Variants in PXK observed in about 807,000 individuals in gnomAD.
The protein encoded by PXK is PX domain containing serine/threonine kinase like.
In PXK, 35 loss-of-function variants were observed where a neutral mutation model predicts 84.7. That is an observed-to-expected ratio of 0.41 (90% confidence interval 0.32 to 0.55). The LOEUF is 0.55. Among genes scored for constraint, PXK ranks in the 20% least tolerant of loss-of-function variants. PXK has a pLI of 0.21. For synonymous variants in PXK, 253 were observed against 260.8 expected (o/e 0.97, Z 0.29); for missense variants, 634 against 699.7 (o/e 0.91, Z 1.06).
At position 58,364,120 on chromosome 3, in the gene PXK, A is replaced by G. The variant is rs1380694246; in HGVS notation, c.103-1754A>G. ...TCATGGTATATAATTCTTTTTATAA[A>G]TTGCTGAATTCAATTTACTAATATT... On this transcript the variant is annotated intron_variant, in intron 1 of 17. Transcript: ENST00000356151. The surrounding 1 kb of genome is among the most constrained non-coding windows in gnomAD (Gnocchi z 4.3). 6.6e-6 allele frequency among the ~76,000 whole-genome samples: 1 copy of G among 152,158 alleles called. No individual in the cohort carries two copies. Among genetic ancestry groups the G allele is most frequent in the Non-Finnish European group, 1.5e-5 (1 of 68,042 alleles).
At chr3:58,408,795 T>C in intron 13 of PXK, 129 bp from the exon 14 acceptor site, 2 of 685,062 alleles carry the variant, frequency 2.9e-6, no homozygotes, top group Admixed American at 5.1e-5. Flanking sequence ...GTCCTGGGAT[T>C]ACAGGCATGA....
intron 12 of PXK, among the ~76,000 whole-genome samples, chr3:58,403,280 C>G (rs915880752): frequency 6.6e-6 from 1 of 152,036 alleles, no homozygotes; most frequent in Middle Eastern, 3.2e-3. Context: ...GCTGGGATTA[C>G]AAGACATGAG....
At chr3:58,365,751 CTG>C in intron 1 of PXK, 121 bp from the exon 2 acceptor site, 1 of 703,438 alleles carries the variant, frequency 1.4e-6, no homozygotes, top group South Asian at 2.5e-5. Context: ...CTCTCTGTCT[CTG>C]GTAAATTTCC....
intron 1 of PXK, among the ~76,000 whole-genome samples, chr3:58,355,465 C>A (rs993622614): frequency 1.3e-5 from 2 of 152,168 alleles, no homozygotes; most frequent in South Asian, 4.1e-4. Flanking sequence ...CGACTTAACA[C>A]GTTTATTTCA....
rs1311677222 is a variant in PXK, at chr3:58,333,410, C to G, written c.102+320C>G. The G allele has an allele frequency of 3.4e-6, 1 of 297,296 alleles. No homozygotes were observed. The highest frequency in any genetic ancestry group is 2.2e-5 in the African/African-American group (1 of 46,190). The allele number at this position is 297,296 out of a possible 1,614,324, so 18.4% of individuals were successfully genotyped here. A position where few individuals can be genotyped will look rare whatever the true frequency, so the allele number is the denominator to read the frequency against. ...GGGGCTGCGGGATTCCCGGGCTCAC[C>G]TTGGACTAGGGGAGCAGGAACGAGA... On this transcript the variant is annotated intron_variant, in intron 1 of 17. Coordinates refer to ENST00000356151, the MANE Select transcript of PXK (RefSeq NM_017771.5). The surrounding 1 kb of genome is among the most constrained non-coding windows in gnomAD (Gnocchi z 5.4).
chr3:58,409,463 T>G lies in PXK; in HGVS notation c.1309-69T>G. 2.1e-6 allele frequency: 3 copies of G among 1,405,020 alleles called. No homozygotes were observed. The highest frequency in any genetic ancestry group is 3.0e-6 in the Non-Finnish European group (3 of 1,005,536). The allele number at this position is 1,405,020 out of a possible 1,614,324, so 87.0% of individuals were successfully genotyped here. Reference sequence around the variant, plus strand: ...CAATAAAATGTGGTTTGCCAAAACATGTTGGAGAAGATTTTCATTAGGAAG... The same window carrying G: ...CAATAAAATGTGGTTTGCCAAAACAGGTTGGAGAAGATTTTCATTAGGAAG... On this transcript the variant is annotated intron_variant, in intron 14 of 17. Transcript: ENST00000356151. This position sits in a 1 kb window ranked among gnomAD's most constrained non-coding sequence, Gnocchi z 4.2.
intron 1 of PXK, among the ~76,000 whole-genome samples, chr3:58,359,677 G>A (rs2098147902): frequency 6.6e-6 from 1 of 152,000 alleles, no homozygotes; most frequent in Non-Finnish European, 1.5e-5. Context: ...AATTATACAT[G>A]CCAATTTACA....
intron 3 of PXK, 72 bp downstream of exon 3, chr3:58,369,550 C>T (rs536990116): frequency 1.7e-6 from 2 of 1,199,918 alleles, no homozygotes; most frequent in Non-Finnish European, 2.5e-6. Flanking sequence ...GGAGTCGGGG[C>T]ACGGTGGCTC....
chr3:58,373,842 G>A (rs1452458364), intron 3 of PXK, among the ~76,000 whole-genome samples: 1 of 151,820 alleles, frequency 6.6e-6, no homozygotes. Flanking sequence ...TCAGGAGATC[G>A]AGACCATCCT....
At position 58,407,837 on chromosome 3, in the gene PXK, G is replaced by A. The variant is rs770581529; in HGVS notation, c.1231-1087G>A. Among the ~76,000 whole-genome samples, 5 of 152,182 alleles carry A rather than the reference G, an allele frequency of 3.3e-5. No individual in the cohort carries two copies. Among genetic ancestry groups the A allele is most frequent in the Non-Finnish European group, 5.9e-5 (4 of 68,044 alleles). ...CTCCCAAAGTATTGGGATTACAGGC[G>A]TGAGCCACCTTGCCCGGCTGCACCA... On this transcript the variant is annotated intron_variant, in intron 13 of 17. Transcript: ENST00000356151. This position sits in a 1 kb window ranked among gnomAD's most constrained non-coding sequence, Gnocchi z 4.3.
At chr3:58,403,584 C>A (rs1045593691) in intron 12 of PXK, among the ~76,000 whole-genome samples, 1 of 152,166 alleles carries the variant, frequency 6.6e-6, no homozygotes, top group Non-Finnish European at 1.5e-5. Flanking sequence ...AAAGTAATTT[C>A]TTAAAAATGC....
chr3:58,404,783 A>C (rs1183766922), intron 13 of PXK, among the ~76,000 whole-genome samples: 2 of 152,222 alleles, frequency 1.3e-5, no homozygotes, highest in African/African-American at 4.8e-5. Context: ...ATTAGGATGA[A>C]AATAAATTTA....
intron 4 of PXK, among the ~76,000 whole-genome samples, chr3:58,386,111 C>T (rs899550381): frequency 6.6e-6 from 1 of 151,978 alleles, no homozygotes; most frequent in Non-Finnish European, 1.5e-5. Flanking sequence ...AGGTTTTCTC[C>T]AGAAGAGCCA....
chr3:58,367,680 T>A (rs1293945016), intron 2 of PXK, among the ~76,000 whole-genome samples: 2 of 152,280 alleles, frequency 1.3e-5, no homozygotes, highest in East Asian at 3.9e-4. Flanking sequence ...AATTTCTTTA[T>A]GTTTTTATTT....
intron 1 of PXK, among the ~76,000 whole-genome samples, chr3:58,352,375 A>G (rs1223816348): frequency 2.0e-5 from 3 of 152,216 alleles, no homozygotes; most frequent in Admixed American, 1.3e-4. Context: ...GCCCAAAGAA[A>G]AAGCATCATT....
intron 1 of PXK, among the ~76,000 whole-genome samples, chr3:58,351,917 T>G (rs1478968423): frequency 6.6e-6 from 1 of 152,236 alleles, no homozygotes; most frequent in Non-Finnish European, 1.5e-5. Flanking sequence ...TGCTATTTTC[T>G]TAGCAGGGAA....
Position 58,421,173 on chromosome 3 carries a change from C to T in PXK, c.1529-3579C>T. On this transcript the variant is annotated intron_variant, in intron 17 of 17. Transcript: ENST00000356151. The surrounding 1 kb of genome is among the most constrained non-coding windows in gnomAD (Gnocchi z 5.5). ...GGTGGCTGGTAAGTCTGGTGTTACC[C>T]TAGTGTGGTCTCATGGCCACTTGGC... 1 of 985,376 alleles carries T rather than the reference C, an allele frequency of 1.0e-6. No individual in the cohort carries two copies. The highest frequency in any genetic ancestry group is 1.2e-6 in the Non-Finnish European group (1 of 829,908). The allele number at this position is 985,376 out of a possible 1,614,324, so 61.0% of individuals were successfully genotyped here.
intron 7 of PXK, 150 bp from the exon 8 acceptor site, chr3:58,394,848 T>G (rs1488399421): frequency 1.1e-5 from 6 of 552,282 alleles, no homozygotes; most frequent in Non-Finnish European, 1.9e-5. Context: ...ACTGAATAAC[T>G]TGAAAATGCC....
rs546828604 is a variant in PXK at position 58,333,473 on chromosome 3, T to A, written c.102+383T>A. ...ATCCACTTCTGCCCGCCGCCAGCCT[T>A]TTCCTTTTTGAGGCCGTGTAATTTC... On this transcript the variant is annotated intron_variant, in intron 1 of 17. Transcript: ENST00000356151. This position sits in a 1 kb window ranked among gnomAD's most constrained non-coding sequence, Gnocchi z 5.4. 1 of 454,006 alleles carries A rather than the reference T, an allele frequency of 2.2e-6. No individual in the cohort carries two copies. Among genetic ancestry groups the A allele is most frequent in the Admixed American group, 2.4e-5 (1 of 42,470 alleles). 28.1% of individuals were successfully genotyped at this position (454,006 alleles called of 1,614,324 possible). A position where few individuals can be genotyped will look rare whatever the true frequency, so the allele number is the denominator to read the frequency against.
Sources: allele counts gnomAD v4.1 joint callset (sites outside exome capture counted in the v4.1 genomes callset), GRCh38; gene constraint gnomAD v4.1.1; non-coding constraint Gnocchi (gnomAD v3.1); transcripts MANE v1.5; gene names NCBI Gene and HGNC (gene_info 2026-07-23, HGNC 2026-07-21).